The following BCAR3 variants were observed in gnomAD, a reference collection of about 807,000 sequenced individuals.
BCAR3 encodes BCAR3 adaptor protein, NSP family member, also known as breast cancer anti-estrogen resistance protein 3.
Under a neutral mutation model 80.1 loss-of-function variants are expected in BCAR3, and 37 were observed. The observed-to-expected ratio is 0.46, with a 90% CI of 0.36 to 0.61. The LOEUF (loss-of-function observed/expected upper bound fraction) is 0.61. Among genes scored for constraint, BCAR3 ranks in the 20% least tolerant of loss-of-function variants. BCAR3 has a pLI of 0.00. For synonymous variants in BCAR3, 389 were observed against 418.9 expected, an observed-to-expected ratio of 0.93 and a Z score of 0.87; for missense variants, 978 against 1,068.2, an observed-to-expected ratio of 0.92 and a Z score of 1.18.
At chr1:93,680,272 C>T (rs1648687104) in intron 1 of BCAR3, among the ~76,000 whole-genome samples, 1 of 152,188 alleles carries the variant, frequency 6.6e-6, no homozygotes, top group African/African-American at 2.4e-5. Flanking sequence ...GAGATTTAGA[C>T]CTTGGTTAGT....
intron 2 of BCAR3, among the ~76,000 whole-genome samples, chr1:93,765,025 G>A (rs1017312350): frequency 6.6e-6 from 1 of 152,214 alleles, no homozygotes; most frequent in Non-Finnish European, 1.5e-5. Context: ...TCAGAGGTCA[G>A]AGGATATCCC....
chr1:93,618,087 C>T (rs1393271287), intron 3 of BCAR3, among the ~76,000 whole-genome samples: 3 of 152,236 alleles, frequency 2.0e-5, no homozygotes, highest in African/African-American at 4.8e-5. Flanking sequence ...GCTCCTCTTC[C>T]AGCCAGGCTC....
chr1:93,639,277 G>A (rs1331429634), intron 3 of BCAR3, among the ~76,000 whole-genome samples: 1 of 152,068 alleles, frequency 6.6e-6, no homozygotes, highest in Non-Finnish European at 1.5e-5. Context: ...CTGAATGTTG[G>A]ATTCTTCCTC....
At chr1:93,838,123 T>C (rs959172800) in intron 2 of BCAR3, among the ~76,000 whole-genome samples, 6 of 152,200 alleles carry the variant, frequency 3.9e-5, no homozygotes, top group Admixed American at 3.9e-4. Flanking sequence ...CTGGCCTTAG[T>C]CTGTTTTGTA....
intron 2 of BCAR3, among the ~76,000 whole-genome samples, chr1:93,761,402 C>T (rs1467085444): frequency 6.6e-6 from 1 of 152,204 alleles, no homozygotes; most frequent in Non-Finnish European, 1.5e-5. Context: ...CCCACCCCTT[C>T]CCCACTGAGA....
At chr1:93,810,330 C>CA (rs1313039571) in intron 2 of BCAR3, among the ~76,000 whole-genome samples, 3 of 152,168 alleles carry the variant, frequency 2.0e-5, no homozygotes, top group African/African-American at 7.2e-5. Flanking sequence ...ACCACACACA[C>CA]ACAAAAAGAC....
At chr1:93,664,185 T>C (rs1440441727) in intron 2 of BCAR3, among the ~76,000 whole-genome samples, 3 of 152,208 alleles carry the variant, frequency 2.0e-5, no homozygotes, top group African/African-American at 7.2e-5. Context: ...AATGGCAGGA[T>C]CTCGGCTCAC....
At chr1:93,811,372 A>G (rs1653835172) in intron 2 of BCAR3, among the ~76,000 whole-genome samples, 1 of 152,236 alleles carries the variant, frequency 6.6e-6, no homozygotes, top group Non-Finnish European at 1.5e-5. Context: ...AATGCCTTCT[A>G]GGCTTTGCAT....
rs139331473 is a variant in BCAR3 at position 93,563,723 on chromosome 1, C to T, written c.2300-1304G>A. Among the ~76,000 whole-genome samples, 1,155 of 152,234 alleles carry T rather than the reference C, an allele frequency of 7.6e-3. 17 individuals carry two copies. Among genetic ancestry groups the T allele is most frequent in the African/African-American group, 0.026 (1,084 of 41,538 alleles). ...TTTTTATTTTTTTGAGAAGGAGTCT[C>T]GCTGTGTTGCCCAGGCTGGAGTGCA... On this transcript the variant is annotated intron_variant, in intron 11 of 11. Coordinates refer to ENST00000260502, the MANE Select transcript of BCAR3 (RefSeq NM_003567.4).
chr1:93,811,187 C>T (rs948094460), intron 2 of BCAR3, among the ~76,000 whole-genome samples: 1 of 152,038 alleles, frequency 6.6e-6, no homozygotes, highest in African/African-American at 2.4e-5. Flanking sequence ...TTCTCTGCAG[C>T]AGACTGGCCA....
At chr1:93,734,823 G>C (rs1650920148) in intron 2 of BCAR3, among the ~76,000 whole-genome samples, 1 of 152,114 alleles carries the variant, frequency 6.6e-6, no homozygotes, top group Non-Finnish European at 1.5e-5. Context: ...AAGGCAGCAC[G>C]GGGCTTTCTG....
chr1:93,635,317 G>C (rs900433416), intron 3 of BCAR3, among the ~76,000 whole-genome samples: 2 of 143,578 alleles, frequency 1.4e-5, no homozygotes, highest in Non-Finnish European at 2.9e-5. Flanking sequence ...GGACTTTGGG[G>C]TTGTCTCCAG....
At chr1:93,805,488 G>A (rs1359874634) in intron 2 of BCAR3, among the ~76,000 whole-genome samples, 1 of 152,224 alleles carries the variant, frequency 6.6e-6, no homozygotes, top group Non-Finnish European at 1.5e-5. Context: ...ACTGGACAGT[G>A]TGTCTCTGAA....
At chr1:93,750,264 G>T (rs1252435569) in intron 2 of BCAR3, among the ~76,000 whole-genome samples, 1 of 152,182 alleles carries the variant, frequency 6.6e-6, no homozygotes, top group Non-Finnish European at 1.5e-5. Context: ...TCAGGCACCA[G>T]CGAGGGCATC....
chr1:93,566,900 G>A (rs1460386076), intron 11 of BCAR3, among the ~76,000 whole-genome samples: 2 of 152,078 alleles, frequency 1.3e-5, no homozygotes, highest in African/African-American at 4.8e-5. Context: ...GCTAATTTTT[G>A]TATTTCTATT....
intron 3 of BCAR3, among the ~76,000 whole-genome samples, chr1:93,638,924 G>A (rs7553185): frequency 0.14 from 21,234 of 152,166 alleles, 1,628 homozygotes; most frequent in African/African-American, 0.19. Context: ...TCCTGTAAGT[G>A]CCAGAATTAA....
chr1:93,641,231 A>G (rs956450835), intron 3 of BCAR3, among the ~76,000 whole-genome samples: 1 of 152,216 alleles, frequency 6.6e-6, no homozygotes, highest in Non-Finnish European at 1.5e-5. Flanking sequence ...AAGTGGTTCT[A>G]CTGGAGCTTC....
intron 2 of BCAR3, among the ~76,000 whole-genome samples, chr1:93,827,499 T>C (rs986272785): frequency 6.6e-5 from 10 of 152,008 alleles, no homozygotes; most frequent in African/African-American, 9.7e-5. Context: ...TGCAGTCTTA[T>C]GGATCTTGGA....
chr1:93,566,599 G>A (rs1672962545), intron 11 of BCAR3, among the ~76,000 whole-genome samples: 1 of 152,124 alleles, frequency 6.6e-6, no homozygotes, highest in South Asian at 2.1e-4. Context: ...TAAGAGCAGG[G>A]GAGCTCACTT....
Sources: allele counts gnomAD v4.1 joint callset (sites outside exome capture counted in the v4.1 genomes callset), GRCh38; gene constraint gnomAD v4.1.1; transcripts MANE v1.5; gene names NCBI Gene and HGNC (gene_info 2026-07-23, HGNC 2026-07-21).